Variants in EFCAB13 observed in about 807,000 individuals in gnomAD.
The protein encoded by EFCAB13 is EF-hand calcium-binding domain-containing protein 13.
In EFCAB13, 91 loss-of-function variants were observed where a neutral mutation model predicts 110.2. The ratio of observed to expected loss-of-function variants is 0.83; its 90% confidence interval spans 0.70 to 0.98. EFCAB13 has a LOEUF of 0.98. Among genes scored for constraint, EFCAB13 ranks in the 50% least tolerant of loss-of-function variants. The probability of loss-of-function intolerance (pLI) is 0.00; values close to 1 mark genes in which losing one functional copy is unlikely to be tolerated. For synonymous variants in EFCAB13, 323 were observed against 369.9 expected (o/e 0.87, Z 1.45); for missense variants, 968 against 1,119.4 (o/e 0.86, Z 1.93).
At chr17:47,325,939 T>TC (rs1555575786) in intron 2 of EFCAB13, among the ~76,000 whole-genome samples, 1 of 50,638 alleles carries the variant, frequency 2.0e-5, no homozygotes. Context: ...TATATATATA[T>TC]ATATATATAT....
At chr17:47,328,767 A>G (rs1001232987) in intron 4 of EFCAB13, 2 of 167,462 alleles carry the variant, frequency 1.2e-5, no homozygotes, top group Non-Finnish European at 2.5e-5. Context: ...TGTACTTCAG[A>G]GTTTTATGCC....
intron 24 of EFCAB13, among the ~76,000 whole-genome samples, chr17:47,439,094 A>G (rs1905264151): frequency 6.8e-6 from 1 of 147,714 alleles, no homozygotes; most frequent in Non-Finnish European, 1.5e-5. Flanking sequence ...CATTGATATT[A>G]TCCATGTTCT....
chr17:47,382,861 C>T (rs1352663730), intron 14 of EFCAB13, among the ~76,000 whole-genome samples: 3 of 152,180 alleles, frequency 2.0e-5, no homozygotes, highest in Admixed American at 6.5e-5. Context: ...AGGAATGCTA[C>T]CAGCCCCTCC....
At chr17:47,370,721 TG>T (rs2065577320) in intron 11 of EFCAB13, among the ~76,000 whole-genome samples, 1 of 149,658 alleles carries the variant, frequency 6.7e-6, no homozygotes, top group African/African-American at 2.5e-5. Flanking sequence ...CCCAGTTTTT[TG>T]TTGTTGTTGT....
intron 12 of EFCAB13, among the ~76,000 whole-genome samples, chr17:47,377,051 G>A (rs1017478340): frequency 1.4e-4 from 21 of 152,162 alleles, no homozygotes; most frequent in African/African-American, 4.8e-4. Flanking sequence ...GTTATGAACT[G>A]AAAACATGGT....
At chr17:47,397,803 C>A (rs1227314757) in intron 17 of EFCAB13, among the ~76,000 whole-genome samples, 1 of 151,224 alleles carries the variant, frequency 6.6e-6, no homozygotes, top group African/African-American at 2.4e-5. Context: ...AGTGAGGAGC[C>A]CCTCCGCCCG....
At position 47,394,197 on chromosome 17, in the gene EFCAB13, T is replaced by G. The variant is rs991792259; in HGVS notation, c.1801+98T>G. ...CTCTTTTAGTCTCTTATAGAGCTAG[T>G]TATCCTGCAGGTCATCCGACAAATA... On this transcript the variant is annotated intron_variant, in intron 16 of 24. Transcript: ENST00000331493. The G allele has an allele frequency of 3.8e-5, 27 of 708,644 alleles. No homozygotes were observed. The East Asian group carries it at 5.2e-4, about 14-fold the overall frequency. The allele number at this position is 708,644 out of a possible 1,614,324, so 43.9% of individuals were successfully genotyped here. A position where few individuals can be genotyped will look rare whatever the true frequency, so the allele number is the denominator to read the frequency against.
At chr17:47,375,076 A>C in intron 12 of EFCAB13, 110 bp downstream of exon 12, 6 of 1,192,790 alleles carry the variant, frequency 5.0e-6, no homozygotes, top group Middle Eastern at 5.0e-4. Flanking sequence ...CTGGGTAACC[A>C]CCACTTCTTT....
chr17:47,378,937 G>T (rs1039995591), intron 13 of EFCAB13, among the ~76,000 whole-genome samples: 3 of 152,018 alleles, frequency 2.0e-5, no homozygotes, highest in Non-Finnish European at 4.4e-5. Flanking sequence ...GAGAAAGCAA[G>T]GACTGTGTCT....
Position 47,374,587 on chromosome 17 carries a change from A to G in EFCAB13, c.993A>G (p.Glu331=). 6.2e-7 allele frequency: 1 copy of G among 1,603,868 alleles called. No homozygotes were observed. The highest frequency in any genetic ancestry group is 8.5e-7 in the Non-Finnish European group (1 of 1,177,430). ...ATAGTTTGTCTTCCAAACTCCCTGA[A>G]CCTTCAATATCCAAAAAGTTAAATA... ...KKNSLSSKLP[E]PSISKKLNKK... The change falls in exon 12 of 25, where the codon GAA becomes GAG. Residue 331 remains glutamate (E), a synonymous_variant. Transcript: ENST00000331493.
rs2065415600 is a variant in EFCAB13 at position 47,346,340 on chromosome 17, G to A, written c.517+1242G>A. On this transcript the variant is annotated intron_variant, in intron 8 of 24. Coordinates refer to ENST00000331493, the MANE Select transcript of EFCAB13 (RefSeq NM_152347.5). ...ACTGGCTTATTTCACTTAGCATAAT[G>A]TCCTTCATATTCATTCATGTTATTA... is the stretch of plus-strand genomic sequence containing the variant. Among the ~76,000 whole-genome samples the A allele has an allele frequency of 3.3e-5, 5 of 149,950 alleles. No individual in the cohort carries two copies. The Admixed American group carries it at 3.3e-4, about 10-fold the overall frequency.
chr17:47,340,094 G>A (rs528143605), intron 5 of EFCAB13: 3 of 152,264 alleles, frequency 2.0e-5, no homozygotes, highest in Non-Finnish European at 2.9e-5. Context: ...ATATATTTAA[G>A]TCTATGCGTT....
chr17:47,348,795 T>C (rs2065432370), intron 9 of EFCAB13, among the ~76,000 whole-genome samples: 1 of 150,838 alleles, frequency 6.6e-6, no homozygotes, highest in South Asian at 2.1e-4. Flanking sequence ...ATTCTTTATA[T>C]ATTCTGAATA....
At chr17:47,352,755 T>C (rs770475095) in intron 9 of EFCAB13, among the ~76,000 whole-genome samples, 2 of 152,318 alleles carry the variant, frequency 1.3e-5, no homozygotes, top group Non-Finnish European at 1.5e-5. Context: ...CTCTATAGTT[T>C]ATTTCATCAC....
intron 9 of EFCAB13, among the ~76,000 whole-genome samples, chr17:47,352,695 A>G (rs1290901260): frequency 6.6e-6 from 1 of 152,152 alleles, no homozygotes; most frequent in Admixed American, 6.6e-5. Context: ...TTTTAATGAT[A>G]TTAAGTTTTT....
chr17:47,329,700 C>T (rs888715043), intron 4 of EFCAB13, among the ~76,000 whole-genome samples: 2 of 152,110 alleles, frequency 1.3e-5, no homozygotes, highest in Admixed American at 1.3e-4. Flanking sequence ...TTTTCTTCTT[C>T]TGTGTCAAAA....
At chr17:47,391,613 A>T in intron 15 of EFCAB13, 33 bp downstream of exon 15, 1 of 1,528,380 alleles carries the variant, frequency 6.5e-7, no homozygotes, top group Non-Finnish European at 8.7e-7. Flanking sequence ...AACTGCATTG[A>T]CACATCTGGA....
chr17:47,423,339 G>A (rs200951574), intron 23 of EFCAB13: 2 of 153,530 alleles, frequency 1.3e-5, no homozygotes, highest in Admixed American at 1.3e-4. Context: ...AGATATTTCA[G>A]ATAAAAAAAT....
chr17:47,367,883 C>T (rs935289300), intron 10 of EFCAB13, among the ~76,000 whole-genome samples: 5 of 152,072 alleles, frequency 3.3e-5, no homozygotes, highest in African/African-American at 1.2e-4. Context: ...CAAAGTTTTC[C>T]AGATTTCTGA....
Sources: gnomAD v4.1 joint callset for allele counts (sites outside exome capture counted in the v4.1 genomes callset) on GRCh38, gnomAD v4.1.1 for gene constraint, MANE v1.5 for transcripts, NCBI Gene and HGNC (gene_info 2026-07-23, HGNC 2026-07-21) for gene names.